CFAP95: variants seen among roughly 807,000 people sequenced by gnomAD.
CFAP95 encodes cilia- and flagella-associated protein 95.
At chr9:69,893,446 C>A in the CFAP95 span, among the ~76,000 whole-genome samples, 6 of 152,196 alleles carry the variant, frequency 3.9e-5, no homozygotes, top group Non-Finnish European at 8.8e-5. Flanking sequence ...CTATAGAAAG[C>A]CTCACTTGTC....
chr9:69,866,537 C>T, the CFAP95 span, among the ~76,000 whole-genome samples: 2 of 152,176 alleles, frequency 1.3e-5, no homozygotes, highest in Admixed American at 6.5e-5. Context: ...TGTACCTTTC[C>T]TCTTTTTGTT....
At chr9:69,824,745 C>T in the CFAP95 span, among the ~76,000 whole-genome samples, 6 of 152,228 alleles carry the variant, frequency 3.9e-5, no homozygotes, top group Admixed American at 1.3e-4. Flanking sequence ...CAACAATACA[C>T]GTTATGTAAG....
the CFAP95 span, among the ~76,000 whole-genome samples, chr9:69,892,988 A>T: frequency 1.3e-5 from 2 of 152,154 alleles, no homozygotes; most frequent in Admixed American, 6.5e-5. Context: ...ACCATCTTCA[A>T]TTTGTTTGTG....
the CFAP95 span, among the ~76,000 whole-genome samples, chr9:69,885,388 C>G: frequency 6.6e-6 from 1 of 152,138 alleles, no homozygotes; most frequent in South Asian, 2.1e-4. Context: ...TTGCAAGTTT[C>G]TCTGGATTGA....
the CFAP95 span, among the ~76,000 whole-genome samples, chr9:69,841,375 A>C: frequency 2.0e-5 from 3 of 151,552 alleles, no homozygotes; most frequent in African/African-American, 7.3e-5. Flanking sequence ...TCAGGGAAGA[A>C]TGACCCAGCA....
chr9:69,842,723 T>TC, the CFAP95 span, among the ~76,000 whole-genome samples: 1 of 152,242 alleles, frequency 6.6e-6, no homozygotes, highest in African/African-American at 2.4e-5. Context: ...TTGTCCAATA[T>TC]CCCCCCTGAG....
At chr9:69,855,580 G>A in the CFAP95 span, among the ~76,000 whole-genome samples, 5 of 152,138 alleles carry the variant, frequency 3.3e-5, no homozygotes, top group Non-Finnish European at 7.4e-5. Flanking sequence ...TTGGCTGGGA[G>A]GATAGTCATT....
chr9:69,832,844 A>G, the CFAP95 span, among the ~76,000 whole-genome samples: 1 of 151,448 alleles, frequency 6.6e-6, no homozygotes, highest in Middle Eastern at 3.4e-3. Context: ...ATCCCTCCCT[A>G]TTTGGACTTC....
the CFAP95 span, among the ~76,000 whole-genome samples, chr9:69,893,960 C>G: frequency 2.0e-5 from 3 of 152,128 alleles, no homozygotes; most frequent in African/African-American, 7.2e-5. Context: ...TTAGAATCCT[C>G]TGCAAATAAG....
chr9:69,897,565 T>C, the CFAP95 span, among the ~76,000 whole-genome samples: 1 of 151,904 alleles, frequency 6.6e-6, no homozygotes, highest in Non-Finnish European at 1.5e-5. Flanking sequence ...AGAAAAAGGA[T>C]GAAATCCTAT....
At chr9:69,844,710 C>T in the CFAP95 span, 12 of 914,384 alleles carry the variant, frequency 1.3e-5, no homozygotes, top group East Asian at 2.8e-4. Context: ...GTGTTTTGTG[C>T]AGCACCATCC....
chr9:69,843,550 TCCTCCTC>T, the CFAP95 span, among the ~76,000 whole-genome samples: 89 of 21,078 alleles, frequency 4.2e-3, 9 homozygotes, highest in South Asian at 0.021. Context: ...CTCCTCCTCC[TCCTCCTC>T]CTTCTTCTTC....
the CFAP95 span, among the ~76,000 whole-genome samples, chr9:69,869,391 A>C: frequency 3.9e-5 from 6 of 152,216 alleles, no homozygotes; most frequent in Admixed American, 1.3e-4. Context: ...TCTACGTGGA[A>C]TCTAAAACAT....
At chr9:69,844,488 T>G in the CFAP95 span, 1 of 1,448,512 alleles carries the variant, frequency 6.9e-7, no homozygotes, top group African/African-American at 1.4e-5. Flanking sequence ...AAACTACATC[T>G]CTTAACGGAC....
the CFAP95 span, among the ~76,000 whole-genome samples, chr9:69,846,531 C>G: frequency 6.6e-6 from 1 of 152,218 alleles, no homozygotes; most frequent in African/African-American, 2.4e-5. Context: ...GTATAAAGCA[C>G]TGGCTCATCC....
chr9:69,883,473 A>G, the CFAP95 span, among the ~76,000 whole-genome samples: 13 of 152,276 alleles, frequency 8.5e-5, no homozygotes, highest in South Asian at 6.2e-4. Flanking sequence ...GACCTTAGCC[A>G]TTAGGCTGAT....
chr9:69,883,275 T>G, the CFAP95 span, among the ~76,000 whole-genome samples: 1 of 152,310 alleles, frequency 6.6e-6, no homozygotes, highest in East Asian at 1.9e-4. Context: ...ATTTAAAGGT[T>G]CAGGGCTAGA....
the CFAP95 span, among the ~76,000 whole-genome samples, chr9:69,897,342 A>G: frequency 1.3e-5 from 2 of 152,202 alleles, no homozygotes; most frequent in African/African-American, 2.4e-5. Context: ...GCTATCTTTA[A>G]TGGTGGACGC....
At chr9:69,891,703 C>T in the CFAP95 span, among the ~76,000 whole-genome samples, 3 of 152,088 alleles carry the variant, frequency 2.0e-5, no homozygotes. Context: ...GGCTATATTT[C>T]TCATTTTCAT....
Sources: allele counts gnomAD v4.1 joint callset (sites outside exome capture counted in the v4.1 genomes callset), GRCh38; gene constraint gnomAD v4.1.1; transcripts MANE v1.5; gene names NCBI Gene and HGNC (gene_info 2026-07-23, HGNC 2026-07-21).